Variants in NRXN1 observed in about 807,000 individuals in gnomAD.
NRXN1 encodes neurexin 1.
A neutral mutation model predicts 150.9 loss-of-function variants in NRXN1; 39 were observed. That is an observed-to-expected ratio of 0.26 (90% CI 0.20 to 0.34). The LOEUF (loss-of-function observed/expected upper bound fraction) is 0.34. NRXN1 is among the 10% of genes least tolerant of loss of function. The pLI is 1.00. For missense variants in NRXN1, 1,815 were observed against 1,949.9 expected (o/e 0.93, Z 1.30); for synonymous variants, 924 against 757.0 (o/e 1.22, Z -3.62).
rs532666063 is a variant in NRXN1, at chr2:50,291,430, T to C, written c.3365-54460A>G. 7.9e-5 allele frequency among the ~76,000 whole-genome samples: 12 copies of C among 152,256 alleles called. 1 individual carries two copies. Among genetic ancestry groups the C allele is most frequent in the South Asian group, 4.1e-4 (2 of 4,828 alleles). ...CATTTGGGCCAGATTTGTAAGAATA[T>C]GTTCAACAGGCGATACTTTGCCAGG... On this transcript the variant is annotated intron_variant, in intron 17 of 22. Coordinates refer to ENST00000401669, the MANE Select transcript of NRXN1 (RefSeq NM_001330078.2).
At chr2:50,279,963 G>T (rs1245487195) in intron 17 of NRXN1, among the ~76,000 whole-genome samples, 1 of 152,016 alleles carries the variant, frequency 6.6e-6, no homozygotes, top group Non-Finnish European at 1.5e-5. Context: ...CTCCAATTAA[G>T]AAAAAGTATT....
chr2:50,359,758 A>C (rs904331046), intron 17 of NRXN1, among the ~76,000 whole-genome samples: 1 of 152,020 alleles, frequency 6.6e-6, no homozygotes, highest in African/African-American at 2.4e-5. Flanking sequence ...TACAGAGAAC[A>C]CCACAAAGAT....
At chr2:50,807,104 A>C (rs548863622) in intron 5 of NRXN1, among the ~76,000 whole-genome samples, 11 of 152,136 alleles carry the variant, frequency 7.2e-5, no homozygotes, top group African/African-American at 2.7e-4. Flanking sequence ...CAGTGGATTA[A>C]ACATCAAAAC....
rs534107942 is a variant in NRXN1 at position 50,584,368 on chromosome 2, T to C, written c.1321-31343A>G. Reference sequence around the variant, plus strand: ...TCTAGGTCAGTCTTGATCAAATACTTTTCTTCCATGCACCCCATAAATACA... The same window carrying C: ...TCTAGGTCAGTCTTGATCAAATACTCTTCTTCCATGCACCCCATAAATACA... On this transcript the variant is annotated intron_variant, in intron 8 of 22. Transcript: ENST00000401669. Among the ~76,000 whole-genome samples the C allele has an allele frequency of 3.0e-4, 45 of 152,282 alleles. 1 individual carries two copies. The highest frequency in any genetic ancestry group is 3.4e-3 in the Middle Eastern group (1 of 294).
At chr2:50,001,854 G>A (rs1197371528) in intron 21 of NRXN1, among the ~76,000 whole-genome samples, 1 of 151,808 alleles carries the variant, frequency 6.6e-6, no homozygotes, top group East Asian at 1.9e-4. Flanking sequence ...ACAGGCTTCT[G>A]GCCAGTATAA....
At chr2:50,071,107 T>C (rs980704933) in intron 19 of NRXN1, among the ~76,000 whole-genome samples, 1 of 152,224 alleles carries the variant, frequency 6.6e-6, no homozygotes, top group African/African-American at 2.4e-5. Flanking sequence ...ATCTTTTTTA[T>C]AGCCCAATAG....
intron 17 of NRXN1, among the ~76,000 whole-genome samples, chr2:50,373,290 ATTT>A (rs1175183904): frequency 0.024 from 1,873 of 78,492 alleles, 43 homozygotes; most frequent in African/African-American, 0.12. Flanking sequence ...ATTTTATTTT[ATTT>A]TTTATTATTA....
At chr2:50,551,050 G>GGAAGAAGAAGAAGAAGAAGAAGAA (rs1204760729) in intron 9 of NRXN1, among the ~76,000 whole-genome samples, 24 of 79,012 alleles carry the variant, frequency 3.0e-4, no homozygotes, top group African/African-American at 1.5e-3. Flanking sequence ...AAGAGGAAGA[G>GGAAGAAGAAGAAGAAGAAGAAGAA]GAAGAAGAAG....
At chr2:50,432,533 C>A (rs1484709965) in intron 17 of NRXN1, among the ~76,000 whole-genome samples, 1 of 152,166 alleles carries the variant, frequency 6.6e-6, no homozygotes, top group Non-Finnish European at 1.5e-5. Context: ...TATTTATAAT[C>A]TGGTACACCC....
chr2:50,943,699 G>T (rs1369524155), intron 2 of NRXN1, among the ~76,000 whole-genome samples: 1 of 152,170 alleles, frequency 6.6e-6, no homozygotes, highest in Non-Finnish European at 1.5e-5. Context: ...CTTCTGTGTA[G>T]CTCTGGTAAA....
intron 2 of NRXN1, among the ~76,000 whole-genome samples, chr2:51,014,315 T>C (rs1205328510): frequency 1.3e-5 from 2 of 152,056 alleles, no homozygotes; most frequent in Non-Finnish European, 2.9e-5. Context: ...GATTGGAACA[T>C]TTTTAGCTCA....
chr2:50,125,115 T>C (rs1197567475), intron 18 of NRXN1, among the ~76,000 whole-genome samples: 2 of 152,150 alleles, frequency 1.3e-5, no homozygotes, highest in Non-Finnish European at 2.9e-5. Flanking sequence ...ATTTATTGTT[T>C]TGGAACTGTC....
intron 17 of NRXN1, among the ~76,000 whole-genome samples, chr2:50,240,826 G>A (rs1047361349): frequency 2.0e-5 from 3 of 151,664 alleles, no homozygotes; most frequent in African/African-American, 7.3e-5. Context: ...CCATTTCCTA[G>A]TATGTGATAA....
chr2:50,976,937 G>C (rs1695938016), intron 2 of NRXN1, among the ~76,000 whole-genome samples: 1 of 151,942 alleles, frequency 6.6e-6, no homozygotes, highest in Non-Finnish European at 1.5e-5. Flanking sequence ...GATCATCAAA[G>C]GTCAAAGATG....
chr2:50,595,722 A>G (rs944218262), intron 8 of NRXN1, among the ~76,000 whole-genome samples: 7 of 152,168 alleles, frequency 4.6e-5, no homozygotes, highest in African/African-American at 1.4e-4. Flanking sequence ...AGAAAGGGAG[A>G]ATTTGAAGGC....
intron 5 of NRXN1, among the ~76,000 whole-genome samples, chr2:50,743,498 A>T (rs1222854851): frequency 2.0e-5 from 3 of 152,178 alleles, no homozygotes; most frequent in Non-Finnish European, 4.4e-5. Context: ...GAAGAAAGGG[A>T]ACATTTAATG....
chr2:50,399,789 T>TAAAAAAAAAAAAAAAAAAA (rs562980355), intron 17 of NRXN1, among the ~76,000 whole-genome samples: 4 of 60,516 alleles, frequency 6.6e-5, no homozygotes, highest in Admixed American at 4.2e-4. Context: ...AGAGAACTGG[T>TAAAAAAAAAAAAAAAAAAA]AAAAAAAAAA....
intron 8 of NRXN1, among the ~76,000 whole-genome samples, chr2:50,604,674 C>T (rs1676811454): frequency 6.6e-6 from 1 of 152,120 alleles, no homozygotes; most frequent in African/African-American, 2.4e-5. Context: ...CAAATGTTAC[C>T]TCCTTGGGAA....
At chr2:50,598,483 T>G (rs17538414) in intron 8 of NRXN1, among the ~76,000 whole-genome samples, 32,562 of 151,024 alleles carry the variant, frequency 0.22, 3,630 homozygotes, top group Middle Eastern at 0.27. Context: ...AAATAGCATG[T>G]GTAAAATGCC....
Sources: gnomAD v4.1 joint callset for allele counts (sites outside exome capture counted in the v4.1 genomes callset) on GRCh38, gnomAD v4.1.1 for gene constraint, MANE v1.5 for transcripts, NCBI Gene and HGNC (gene_info 2026-07-23, HGNC 2026-07-21) for gene names.